The following PCNT variants were observed in gnomAD, a reference collection of about 807,000 sequenced individuals.
The protein encoded by PCNT is kendrin.
PCNT carries 319 observed loss-of-function variants against 380.4 expected under a neutral mutation model. That is an observed-to-expected ratio of 0.84 (90% CI 0.77 to 0.92). PCNT has a LOEUF of 0.92. Ranked by LOEUF, PCNT falls within the 40% of genes least tolerant of loss-of-function variation. The pLI is 0.00. For synonymous variants in PCNT, 1,845 were observed against 1,735.2 expected (o/e 1.06, Z -1.57); for missense variants, 4,400 against 4,255.3 (o/e 1.03, Z -0.95).
At position 46,366,833 on chromosome 21, in the gene PCNT, C is replaced by G. The variant is rs143447540; in HGVS notation, c.2859C>G (p.His953Gln). Reference protein sequence around the residue: ...AARVAELQTKHAADLGALETR... With the variant: ...AARVAELQTKQAADLGALETR... ...GTGTGGCCGAACTGCAGACAAAACA[C>G]GCTGCCGACCTCGGCGCTCTGGAGA... Residue 953 changes from histidine (H) to glutamine (Q), a missense_variant, in exon 15 of 47, where the codon CAC becomes CAG. Transcript: ENST00000359568. The G allele has an allele frequency of 1.2e-6, 2 of 1,614,010 alleles. No individual in the cohort carries two copies. The highest frequency in any genetic ancestry group is 1.1e-5 in the South Asian group (1 of 91,088).
chr21:46,428,562 C>G lies in PCNT; in HGVS notation c.7662C>G (p.Ser2554Arg), dbSNP rs1309729750. ...TGACAAGCGCAGAGGCGCGCGGGAGCCAGCAGGAGCACCAGCTGCGCAGGC... is the reference window on the plus strand; with the variant it reads ...TGACAAGCGCAGAGGCGCGCGGGAGGCAGCAGGAGCACCAGCTGCGCAGGC... ...TALTSAEARG[S>R]QQEHQLRRQV... Residue 2554 changes from serine to arginine, a missense_variant, in exon 35 of 47, where the codon AGC becomes AGG. By Grantham distance (110) the Ser-to-Arg change is moderately radical. Transcript: ENST00000359568. 6.2e-7 allele frequency: 1 copy of G among 1,604,422 alleles called. No homozygotes were observed. Among genetic ancestry groups the G allele is most frequent in the Admixed American group, 1.7e-5 (1 of 59,730 alleles).
chr21:46,364,161 C>T (rs762249823), intron 14 of PCNT, among the ~76,000 whole-genome samples: 2 of 151,836 alleles, frequency 1.3e-5, no homozygotes, highest in Non-Finnish European at 2.9e-5. Flanking sequence ...CCCCTGGCCG[C>T]AGTGGGACAG....
chr21:46,377,609 A>C (rs975978492), intron 15 of PCNT, among the ~76,000 whole-genome samples: 1 of 152,122 alleles, frequency 6.6e-6, no homozygotes, highest in South Asian at 2.1e-4. Context: ...TCGTGCCTAT[A>C]GTCCCAGCAC....
rs757885986 is a variant in PCNT at position 46,334,469 on chromosome 21, C to G, written c.340C>G (p.Pro114Ala). ...LQQKQVNDHP[P>A]EQCGMFTVSD... Reference sequence around the variant, plus strand: ...GCAGAAGCAAGTCAATGACCATCCTCCAGAGCAGTGTGGGATGTTCACAGT... The same window carrying G: ...GCAGAAGCAAGTCAATGACCATCCTGCAGAGCAGTGTGGGATGTTCACAGT... The change falls in exon 3 of 47, where the codon CCA becomes GCA. Residue 114 changes from proline to alanine, a missense_variant. Physicochemically the swap from Pro to Ala is conservative, Grantham distance 27. Transcript: ENST00000359568. 9 of 1,614,086 alleles carry G rather than the reference C, an allele frequency of 5.6e-6. No homozygotes were observed. The South Asian group carries it at 8.8e-5, about 16-fold the overall frequency.
rs1437964590 is a variant in PCNT, at chr21:46,366,372, C to T, written c.2610-212C>T. 3.3e-5 allele frequency among the ~76,000 whole-genome samples: 5 copies of T among 152,136 alleles called. No homozygotes were observed. The South Asian group carries it at 6.2e-4, about 19-fold the overall frequency. ...CGACTCCCATGGCTTTGGCCTTTGG[C>T]CTCTGGGCTTCTCTGGCTTCATGGG... On this transcript the variant is annotated intron_variant, in intron 14 of 46. Transcript: ENST00000359568.
At position 46,432,110 on chromosome 21, in the gene PCNT, G is replaced by C. The variant is rs141771795; in HGVS notation, c.8646G>C (p.Leu2882Phe). ...AATTAGAGCAGTCACACCCACGGTTGAAAGAGCAAGAAGGACGCAAGGCTG... is the reference window on the plus strand; with the variant it reads ...AATTAGAGCAGTCACACCCACGGTTCAAAGAGCAAGAAGGACGCAAGGCTG... ...QAELEQSHPR[L>F]KEQEGRKAAR... Residue 2882 changes from leucine to phenylalanine, a missense_variant, in exon 38 of 47, where the codon TTG becomes TTC. Leu to Phe is a conservative substitution (Grantham distance 22, BLOSUM62 0). Transcript: ENST00000359568. The C allele has an allele frequency of 1.0e-3, 1,652 of 1,614,130 alleles. 10 individuals carry two copies. In the African/African-American group the frequency reaches 0.02, roughly 19 times the overall value.
At chr21:46,394,239 G>A (rs934110148) in intron 21 of PCNT, among the ~76,000 whole-genome samples, 7 of 152,180 alleles carry the variant, frequency 4.6e-5, no homozygotes, top group African/African-American at 7.2e-5. Flanking sequence ...GTTGCGTGAC[G>A]CCCCCTTCGC....
chr21:46,443,994 T>G (rs1438186018), intron 45 of PCNT, 46 bp downstream of exon 45: 1 of 1,595,684 alleles, frequency 6.3e-7, no homozygotes, highest in Non-Finnish European at 8.6e-7. Context: ...GGGCTCTCCC[T>G]CCAGCCTACA....
At position 46,412,993 on chromosome 21, in the gene PCNT, G is replaced by A. The variant is rs746644602; in HGVS notation, c.6150+1G>A. On this transcript the variant is annotated splice_donor_variant, in intron 29 of 46. Coordinates refer to ENST00000359568, the MANE Select transcript of PCNT (RefSeq NM_006031.6). LOFTEE classifies it high-confidence loss of function. ...CCTGAGTCTGGAGGACGGCGGCAAGGTGTGGGGAGGGGGGAAGGCGCGAGG... is the reference window on the plus strand; with the variant it reads ...CCTGAGTCTGGAGGACGGCGGCAAGATGTGGGGAGGGGGGAAGGCGCGAGG... 1 of 1,607,034 alleles carries A rather than the reference G, an allele frequency of 6.2e-7. No individual in the cohort carries two copies. The highest frequency in any genetic ancestry group is 8.5e-7 in the Non-Finnish European group (1 of 1,179,852).
At position 46,375,133 on chromosome 21, in the gene PCNT, G is replaced by T. The variant is rs538793558; in HGVS notation, c.3166-6561G>T. ...ACGTAAGCTTGATTTCTTTTTGATA[G>T]AAGTATGTATCCCATAAGATTCCCC... On this transcript the variant is annotated intron_variant, in intron 15 of 46. Coordinates refer to ENST00000359568, the MANE Select transcript of PCNT (RefSeq NM_006031.6). 2.6e-5 allele frequency among the ~76,000 whole-genome samples: 4 copies of T among 152,216 alleles called. No homozygotes were observed. The South Asian group carries it at 8.3e-4, about 32-fold the overall frequency.
intron 44 of PCNT, among the ~76,000 whole-genome samples, chr21:46,443,537 C>G (rs886727636): frequency 2.6e-4 from 40 of 152,200 alleles, no homozygotes; most frequent in African/African-American, 4.6e-4. Context: ...CTCCTCAGAG[C>G]GGATAGAGGC....
At chr21:46,403,593 G>A (rs74683598) in intron 27 of PCNT, among the ~76,000 whole-genome samples, 317 of 96,586 alleles carry the variant, frequency 3.3e-3, no homozygotes, top group East Asian at 7.1e-3. Context: ...TGCTCGGTGA[G>A]TGAACACAGC....
At chr21:46,364,047 C>G (rs1176466436) in intron 14 of PCNT, 113 bp downstream of exon 14, 1 of 895,910 alleles carries the variant, frequency 1.1e-6, no homozygotes, top group East Asian at 2.6e-5. Context: ...GCGAAAAGGT[C>G]TGGAGGGAGC....
intron 15 of PCNT, 52 bp from the exon 16 acceptor site, chr21:46,381,642 G>T: frequency 1.9e-6 from 3 of 1,552,978 alleles, no homozygotes; most frequent in Admixed American, 1.7e-5. Flanking sequence ...TAACAGCAAA[G>T]AAAGTATTTT....
chr21:46,443,462 A>T (rs1458043370), intron 44 of PCNT, among the ~76,000 whole-genome samples: 1 of 152,154 alleles, frequency 6.6e-6, no homozygotes, highest in African/African-American at 2.4e-5. Context: ...AGCCATCAGG[A>T]AAGTTTGCCC....
Position 46,388,836 on chromosome 21 carries a change from G to A in PCNT, c.3559G>A (p.Val1187Met), listed in dbSNP as rs1226025963. ...VTLRSRIGER[V>M]GLCLDDAGAG... Reference sequence around the variant, plus strand: ...CCTGAGGAGCCGGATCGGGGAGCGCGTGGGGCTCTGCCTGGATGACGCGGG... The same window carrying A: ...CCTGAGGAGCCGGATCGGGGAGCGCATGGGGCTCTGCCTGGATGACGCGGG... Residue 1187 changes from valine (V) to methionine (M), a missense_variant, in exon 18 of 47, where the codon GTG becomes ATG. By Grantham distance (21) the Val-to-Met change is conservative (BLOSUM62 1). Transcript: ENST00000359568. This position sits in a 1 kb window ranked among gnomAD's most constrained non-coding sequence, Gnocchi z 4.2. The A allele has an allele frequency of 6.2e-6, 10 of 1,611,844 alleles. No homozygotes were observed. The highest frequency in any genetic ancestry group is 4.5e-5 in the East Asian group (2 of 44,876).
intron 3 of PCNT, among the ~76,000 whole-genome samples, chr21:46,336,026 G>C (rs1401686149): frequency 1.3e-5 from 2 of 149,832 alleles, no homozygotes; most frequent in Non-Finnish European, 3.0e-5. Flanking sequence ...GCCCAGGCTG[G>C]AGTGCAGTGG....
chr21:46,420,447 C>G (rs1602046929), intron 31 of PCNT: 2 of 152,250 alleles, frequency 1.3e-5, no homozygotes, highest in African/African-American at 4.8e-5. Context: ...CTTATCCTAA[C>G]TGTTCCTCTC....
chr21:46,429,168 C>T (rs563489799), intron 35 of PCNT, among the ~76,000 whole-genome samples: 3 of 152,260 alleles, frequency 2.0e-5, no homozygotes, highest in South Asian at 2.1e-4. Context: ...GTTCAGCCCA[C>T]GGCCCTTGTC....
Sources: allele counts gnomAD v4.1 joint callset (sites outside exome capture counted in the v4.1 genomes callset), GRCh38; gene constraint gnomAD v4.1.1; non-coding constraint Gnocchi (gnomAD v3.1); transcripts MANE v1.5; gene names NCBI Gene and HGNC (gene_info 2026-07-23, HGNC 2026-07-21).